Variants in GNPTG observed in about 807,000 individuals in gnomAD.
GNPTG encodes the protein N-acetylglucosamine-1-phosphate transferase subunit gamma, also known as N-acetylglucosamine-1-phosphotransferase subunit gamma.
Under a neutral mutation model 43.8 loss-of-function variants are expected in GNPTG, and 46 were observed. The observed-to-expected ratio is 1.05, with a 90% CI of 0.83 to 1.34. The LOEUF (loss-of-function observed/expected upper bound fraction) is 1.34. Among genes scored for constraint, GNPTG ranks in the 40% most tolerant of loss-of-function variants. The pLI, the probability that GNPTG is intolerant of heterozygous loss-of-function variation, is 0.00. For missense variants in GNPTG, 549 were observed against 411.3 expected, an observed-to-expected ratio of 1.33 and a Z score of -2.90; for synonymous variants, 250 against 172.8, an observed-to-expected ratio of 1.45 and a Z score of -3.50.
chr16:1,362,541 G>C lies in GNPTG; in HGVS notation c.609+7G>C, dbSNP rs201419201. The C allele has an allele frequency of 1.2e-6, 2 of 1,614,154 alleles. No individual in the cohort carries two copies. The highest frequency in any genetic ancestry group is 3.3e-5 in the Admixed American group (2 of 60,028). On this transcript the variant is annotated splice_region_variant and intron_variant, in intron 8 of 10. Coordinates refer to ENST00000204679, the MANE Select transcript of GNPTG (RefSeq NM_032520.5). ...TGAGCTGATCACCCCCCAGGTAAGCGTGCGCTCGGGGTGGCCCCTGGTGGG... is the reference window on the plus strand; with the variant it reads ...TGAGCTGATCACCCCCCAGGTAAGCCTGCGCTCGGGGTGGCCCCTGGTGGG...
At position 1,363,392 on chromosome 16, in the gene GNPTG, T is replaced by C. The variant is rs889675750; in HGVS notation, c.*301T>C. ...AAATTCCATTCAAATAACATTCTCA[T>C]GTAAATACTCAAACATACAGATTGA... On this transcript the variant is annotated 3_prime_UTR_variant, in exon 11 of 11. Coordinates refer to ENST00000204679, the MANE Select transcript of GNPTG (RefSeq NM_032520.5). 7.5e-6 allele frequency: 3 copies of C among 402,452 alleles called. No individual in the cohort carries two copies. The highest frequency in any genetic ancestry group is 6.2e-5 in the African/African-American group (3 of 48,678). 24.9% of individuals were successfully genotyped at this position (402,452 alleles called of 1,614,324 possible).
intron 3 of GNPTG, chr16:1,361,124 G>GT: frequency 6.5e-6 from 1 of 154,196 alleles, no homozygotes; most frequent in Non-Finnish European, 1.4e-5. Flanking sequence ...TTTTTGTGTA[G>GT]ACACGGGGTT....
At chr16:1,357,188 G>A (rs1363544253) in intron 3 of GNPTG, among the ~76,000 whole-genome samples, 1 of 152,194 alleles carries the variant, frequency 6.6e-6, no homozygotes, top group Non-Finnish European at 1.5e-5. Flanking sequence ...CCACCCAGAT[G>A]GTATTTGACA....
intron 3 of GNPTG, chr16:1,358,320 G>C (rs1053476921): frequency 6.6e-6 from 1 of 152,384 alleles, no homozygotes; most frequent in Non-Finnish European, 1.5e-5. Flanking sequence ...CCATTCTGCT[G>C]TCTCTGAACT....
Position 1,363,271 on chromosome 16 carries a change from G to C in GNPTG, c.*180G>C. 1 of 650,184 alleles carries C rather than the reference G, an allele frequency of 1.5e-6. No homozygotes were observed. Among genetic ancestry groups the C allele is most frequent in the Non-Finnish European group, 2.7e-6 (1 of 363,738 alleles). The allele number at this position is 650,184 out of a possible 1,614,324, so 40.3% of individuals were successfully genotyped here. ...AACTCCATGAATTCTGTAAACCATT[G>C]CATAAATGCTATAGTGTAAAAAAAT... On this transcript the variant is annotated 3_prime_UTR_variant, in exon 11 of 11. Transcript: ENST00000204679.
chr16:1,352,910 T>G (rs1448855030), intron 3 of GNPTG, among the ~76,000 whole-genome samples: 1 of 152,030 alleles, frequency 6.6e-6, no homozygotes, highest in African/African-American at 2.4e-5. Context: ...GGGTCATGAG[T>G]ATATATATCA....
In GNPTG at chr16:1,363,413, A is replaced by G. The variant is rs2034989327; in HGVS notation, c.*322A>G. ...CTCATGTAAATACTCAAACATACAG[A>G]TTGAGGCTTCCAGAAATTAATCCAC... On this transcript the variant is annotated 3_prime_UTR_variant, in exon 11 of 11. Coordinates refer to ENST00000204679, the MANE Select transcript of GNPTG (RefSeq NM_032520.5). The G allele has an allele frequency of 5.4e-6, 2 of 370,812 alleles. No individual in the cohort carries two copies. The highest frequency in any genetic ancestry group is 3.9e-5 in the Admixed American group (1 of 25,398). The allele number at this position is 370,812 out of a possible 1,614,324, so 23.0% of individuals were successfully genotyped here.
chr16:1,352,004 G>C lies in GNPTG; in HGVS notation c.39G>C (p.Gly13=). 1 of 1,456,832 alleles carries C rather than the reference G, an allele frequency of 6.9e-7. No homozygotes were observed. The highest frequency in any genetic ancestry group is 9.0e-7 in the Non-Finnish European group (1 of 1,109,528). 90.2% of individuals were successfully genotyped at this position (1,456,832 alleles called of 1,614,324 possible). A position where few individuals can be genotyped will look rare whatever the true frequency, so the allele number is the denominator to read the frequency against. Residue 13 remains glycine, a synonymous_variant, in exon 1 of 11, where the codon GGG becomes GGC. Coordinates refer to ENST00000204679, the MANE Select transcript of GNPTG (RefSeq NM_032520.5). The part of the protein sequence containing the change: ...AGLARLLLLL[G]LSAGGPAPAG... ...TGGCGCGGCTCCTGTTGCTCCTCGGGCTCTCGGCCGGCGGTGAGTGGCCCG... is the reference window on the plus strand; with the variant it reads ...TGGCGCGGCTCCTGTTGCTCCTCGGCCTCTCGGCCGGCGGTGAGTGGCCCG...
chr16:1,352,826 C>A (rs1225654529), intron 3 of GNPTG, among the ~76,000 whole-genome samples: 1 of 152,100 alleles, frequency 6.6e-6, no homozygotes, highest in African/African-American at 2.4e-5. Flanking sequence ...CTGTGGAGAA[C>A]ATGCTGTGTA....
chr16:1,354,888 A>T (rs1211795439), intron 3 of GNPTG, among the ~76,000 whole-genome samples: 1 of 145,244 alleles, frequency 6.9e-6, no homozygotes, highest in Non-Finnish European at 1.5e-5. Context: ...GGGCGTGGAT[A>T]CTCCCCCGCG....
Position 1,361,813 on chromosome 16 carries a change from G to A in GNPTG, c.233+16G>A. ...TGGAGTCCACGTGAGTGCAGGGTGG[G>A]TGCGAGGGTGGGCTGGGGCGCAGCC... On this transcript the variant is annotated intron_variant, in intron 4 of 10. Coordinates refer to ENST00000204679, the MANE Select transcript of GNPTG (RefSeq NM_032520.5). The A allele has an allele frequency of 6.2e-7, 1 of 1,613,900 alleles. No individual in the cohort carries two copies. The highest frequency in any genetic ancestry group is 1.3e-5 in the African/African-American group (1 of 75,038).
In GNPTG at chr16:1,363,044, T is replaced by C; in HGVS notation, c.871T>C (p.Ser291Pro). The C allele has an allele frequency of 1.2e-6, 2 of 1,613,928 alleles. No individual in the cohort carries two copies. Among genetic ancestry groups the C allele is most frequent in the Non-Finnish European group, 1.7e-6 (2 of 1,180,008 alleles). ...HLGHETPRAKSPEQLRGDPGL... is the reference protein window; with the variant it reads ...HLGHETPRAKPPEQLRGDPGL... ...GGGCCACGAGACGCCCAGAGCCAAG[T>C]CTCCAGAGCAGCTGCGGGGTGACCC... Residue 291 changes from serine (S) to proline (P), a missense_variant, in exon 11 of 11, where the codon TCT (serine) becomes CCT (proline). Transcript: ENST00000204679.
chr16:1,363,446 G>GACCACCGAGA lies in GNPTG; in HGVS notation c.*355_*356insACCACCGAGA. 1 of 346,098 alleles carries GACCACCGAGA rather than the reference G, an allele frequency of 2.9e-6. No individual in the cohort carries two copies. Among genetic ancestry groups the GACCACCGAGA allele is most frequent in the Non-Finnish European group, 5.6e-6 (1 of 178,152 alleles). 21.4% of individuals were successfully genotyped at this position (346,098 alleles called of 1,614,324 possible). ...TTCCAGAAATTAATCCACTTGAGGC[G>GACCACCGAGA]TCCACGCGGAACAAGGTCTGCTGAC... On this transcript the variant is annotated 3_prime_UTR_variant, in exon 11 of 11. Coordinates refer to ENST00000204679, the MANE Select transcript of GNPTG (RefSeq NM_032520.5).
Position 1,362,805 on chromosome 16 carries a change from ACT to A in GNPTG, c.742-17_742-16del, listed in dbSNP as rs1302291392. On this transcript the variant is annotated intron_variant, in intron 9 of 10. Transcript: ENST00000204679. Reference sequence around the variant, plus strand: ...CTCCAGCACCTGGGCTTTCCCTTGAACTCTTTTTGTGGTTGGTAGGCTCATAA... The same window carrying A: ...CTCCAGCACCTGGGCTTTCCCTTGAACTTTTTGTGGTTGGTAGGCTCATAA... 6.2e-7 allele frequency: 1 copy of A among 1,613,214 alleles called. No individual in the cohort carries two copies. Among genetic ancestry groups the A allele is most frequent in the Admixed American group, 1.7e-5 (1 of 59,952 alleles).
chr16:1,361,440 C>G (rs1378223603), intron 3 of GNPTG: 2 of 372,968 alleles, frequency 5.4e-6, no homozygotes, highest in Non-Finnish European at 1.0e-5. Flanking sequence ...GTCAGGAGAT[C>G]GAGACCATCC....
rs2034699666 is a variant in GNPTG at position 1,352,300 on chromosome 16, G to A, written c.172G>A (p.Val58Met). The change falls in exon 3 of 11, where the codon GTG (valine) becomes ATG (methionine). Residue 58 changes from valine to methionine, a missense_variant. By Grantham distance (21) the Val-to-Met change is conservative. Coordinates refer to ENST00000204679, the MANE Select transcript of GNPTG (RefSeq NM_032520.5). ...CCAGGCCAAGAGGGATCCTTCACCC[G>A]TGTCTGGTGAGTGAGGAGCGCTGTT... is the stretch of plus-strand genomic sequence containing the variant. Reference protein sequence around the residue: ...RLQAKRDPSPVSGPVHLFRLS... With the variant: ...RLQAKRDPSPMSGPVHLFRLS... 1.3e-6 allele frequency: 2 copies of A among 1,548,164 alleles called. No individual in the cohort carries two copies. The highest frequency in any genetic ancestry group is 1.7e-6 in the Non-Finnish European group (2 of 1,146,786).
At chr16:1,354,787 CT>C (rs747879374) in intron 3 of GNPTG, among the ~76,000 whole-genome samples, 1 of 152,152 alleles carries the variant, frequency 6.6e-6, no homozygotes, top group Non-Finnish European at 1.5e-5. Context: ...GTTTCCTGAT[CT>C]TTTTGTTTTG....
chr16:1,359,342 C>T (rs952301960), intron 3 of GNPTG, among the ~76,000 whole-genome samples: 4 of 152,096 alleles, frequency 2.6e-5, no homozygotes, highest in Non-Finnish European at 4.4e-5. Flanking sequence ...TCTTGGCTCA[C>T]GGCAACCTCT....
intron 3 of GNPTG, chr16:1,352,587 TGC>T: frequency 2.0e-6 from 1 of 487,946 alleles, no homozygotes; most frequent in Non-Finnish European, 3.7e-6. Context: ...TGCGTGTCTA[TGC>T]AACTGGAAAA....
Sources: allele counts gnomAD v4.1 joint callset (sites outside exome capture counted in the v4.1 genomes callset), GRCh38; gene constraint gnomAD v4.1.1; transcripts MANE v1.5; gene names NCBI Gene and HGNC (gene_info 2026-07-23, HGNC 2026-07-21).